Variants in LOC114841035 observed in about 807,000 individuals in gnomAD.
At chr11:64,242,678 T>C in the LOC114841035 span, 1 of 1,096,050 alleles carries the variant, frequency 9.1e-7, no homozygotes, top group Non-Finnish European at 1.3e-6. Context: ...CTCTCGCCTC[T>C]AAGCCAGTTT....
the LOC114841035 span, chr11:64,242,090 G>T: frequency 3.0e-6 from 1 of 331,212 alleles, no homozygotes; most frequent in Non-Finnish European, 5.6e-6. Context: ...AGCGGAGGTG[G>T]GGACTGGGAG....
At chr11:64,242,628 G>A in the LOC114841035 span, 1 of 1,473,028 alleles carries the variant, frequency 6.8e-7, no homozygotes, top group Non-Finnish European at 9.0e-7. Context: ...TTGGGAGTCT[G>A]GTTCTCCATA....
the LOC114841035 span, chr11:64,242,472 A>G: frequency 6.4e-7 from 1 of 1,551,426 alleles, no homozygotes; most frequent in South Asian, 1.2e-5. Flanking sequence ...CGAGGGCAAA[A>G]GGAAGCTGCA....
chr11:64,242,540 C>T, the LOC114841035 span: 2 of 1,551,830 alleles, frequency 1.3e-6, no homozygotes, highest in Non-Finnish European at 8.7e-7. Flanking sequence ...AAGGGGATGT[C>T]CTGCACATGC....
the LOC114841035 span, chr11:64,242,552 C>G: frequency 6.5e-7 from 1 of 1,541,294 alleles, no homozygotes; most frequent in South Asian, 1.2e-5. Context: ...TGCACATGCA[C>G]TACACGGTGA....
At chr11:64,242,530 A>T in the LOC114841035 span, 1 of 1,553,062 alleles carries the variant, frequency 6.4e-7, no homozygotes, top group East Asian at 2.5e-5. Context: ...AAATCGCGCA[A>T]AGGGGATGTC....
the LOC114841035 span, chr11:64,243,261 C>G: frequency 6.2e-7 from 1 of 1,612,692 alleles, no homozygotes; most frequent in Non-Finnish European, 8.5e-7. Flanking sequence ...CCTTTGTCTT[C>G]TCCCTTGGCA....
chr11:64,243,707 G>C, the LOC114841035 span: 11 of 1,327,322 alleles, frequency 8.3e-6, no homozygotes, highest in Admixed American at 2.0e-4. Context: ...CCAGGCCTTT[G>C]GCACCCCCTT....
chr11:64,243,987 C>T, the LOC114841035 span: 6 of 1,613,910 alleles, frequency 3.7e-6, no homozygotes, highest in African/African-American at 6.7e-5. Flanking sequence ...CCCTGGTGTT[C>T]GAGGTGGAGC....
At chr11:64,241,418 G>A in the LOC114841035 span, among the ~76,000 whole-genome samples, 2 of 152,068 alleles carry the variant, frequency 1.3e-5, no homozygotes, top group African/African-American at 2.4e-5. Context: ...GGAGCTAGGA[G>A]GGTCGGGGGA....
At chr11:64,243,094 G>A in the LOC114841035 span, 1 of 982,090 alleles carries the variant, frequency 1.0e-6, no homozygotes, top group Non-Finnish European at 1.6e-6. Context: ...TGACCACCAG[G>A]GCTGTGGGTG....
At chr11:64,242,419 T>C in the LOC114841035 span, 1 of 1,556,006 alleles carries the variant, frequency 6.4e-7, no homozygotes, top group South Asian at 1.2e-5. Flanking sequence ...GTCCTGACAG[T>C]ACTGTCCATC....
the LOC114841035 span, chr11:64,244,018 A>C: frequency 6.2e-7 from 1 of 1,613,972 alleles, no homozygotes; most frequent in Non-Finnish European, 8.5e-7. Flanking sequence ...AGAGCGACGA[A>C]CTGAGCTGTA....
the LOC114841035 span, chr11:64,243,540 G>A: frequency 6.2e-7 from 1 of 1,609,020 alleles, no homozygotes; most frequent in Non-Finnish European, 8.5e-7. Flanking sequence ...TTTGGGGTGT[G>A]TGACTGGGAA....
chr11:64,242,195 C>T, the LOC114841035 span: 2 of 516,680 alleles, frequency 3.9e-6, no homozygotes, highest in African/African-American at 4.0e-5. Context: ...CTCGGCCAAG[C>T]CCCCTTCTCA....
At chr11:64,244,012 C>T in the LOC114841035 span, 7 of 1,613,698 alleles carry the variant, frequency 4.3e-6, no homozygotes, top group Admixed American at 1.7e-5. Context: ...CAAAATAGAG[C>T]GACGAACTGA....
At chr11:64,243,532 TG>T in the LOC114841035 span, 2 of 1,611,786 alleles carry the variant, frequency 1.2e-6, no homozygotes, top group South Asian at 2.2e-5. Context: ...AGAGCGAGTT[TG>T]GGGTGTGTGA....
chr11:64,243,350 C>A, the LOC114841035 span: 1 of 1,596,346 alleles, frequency 6.3e-7, no homozygotes, highest in East Asian at 2.2e-5. Context: ...TGGGGGCGTG[C>A]ATGGCCACCG....
the LOC114841035 span, chr11:64,243,757 TGA>T: frequency 3.8e-6 from 6 of 1,570,390 alleles, no homozygotes; most frequent in African/African-American, 5.4e-5. Flanking sequence ...GCCTTCTTGC[TGA>T]GAGGGGCGGA....
Sources: gnomAD v4.1 joint callset for allele counts (sites outside exome capture counted in the v4.1 genomes callset) on GRCh38, gnomAD v4.1.1 for gene constraint, MANE v1.5 for transcripts.